TENM1: variants seen among roughly 807,000 people sequenced by gnomAD.
TENM1 encodes teneurin-1.
TENM1 carries 35 observed loss-of-function variants against 174.8 expected under a neutral mutation model. The observed-to-expected ratio is 0.20, with a 90% CI of 0.15 to 0.27. The LOEUF is 0.27. Among genes scored for constraint, TENM1 ranks in the 10% least tolerant of loss-of-function variants. The probability of loss-of-function intolerance (pLI) is 1.00; values close to 1 mark genes in which losing one functional copy is unlikely to be tolerated. For missense variants in TENM1, 1,633 were observed against 2,130.1 expected, an observed-to-expected ratio of 0.77 and a Z score of 4.59; for synonymous variants, 781 against 798.7, an observed-to-expected ratio of 0.98 and a Z score of 0.37.
chrX:125,163,271 G>C, the TENM1 span, among the ~76,000 whole-genome samples: 1 of 110,452 alleles, frequency 9.1e-6, no homozygotes, highest in African/African-American at 3.3e-5. Context: ...ACTCATCCTA[G>C]GATCAGTGTG....
intron 11 of TENM1, among the ~76,000 whole-genome samples, chrX:124,631,914 TAC>T (rs1318468999): frequency 1.2e-5 from 1 of 85,235 alleles, no homozygotes; most frequent in Non-Finnish European, 2.3e-5. Context: ...AAAAAATCCA[TAC>T]AGTTTTTTTT....
chrX:125,139,512 T>A, the TENM1 span, among the ~76,000 whole-genome samples: 3 of 111,310 alleles, frequency 2.7e-5, no homozygotes, highest in Admixed American at 1.9e-4. Context: ...AAATGATACA[T>A]TGACAAGTTT....
the TENM1 span, among the ~76,000 whole-genome samples, chrX:125,093,522 ATCAT>A: frequency 8.9e-6 from 1 of 112,056 alleles, no homozygotes; most frequent in Non-Finnish European, 1.9e-5. Flanking sequence ...TGTCTCATAA[ATCAT>A]TCATTTCTTT....
the TENM1 span, among the ~76,000 whole-genome samples, chrX:125,167,873 A>G: frequency 3.6e-5 from 4 of 112,152 alleles, no homozygotes; most frequent in Non-Finnish European, 7.5e-5. Context: ...AACCCTGGCC[A>G]TGATTATTAC....
chrX:124,920,173 A>G (rs1214678803), intron 1 of TENM1, among the ~76,000 whole-genome samples: 1 of 111,754 alleles, frequency 8.9e-6, no homozygotes, highest in Non-Finnish European at 1.9e-5. Context: ...AGGTTACTAT[A>G]CTTTCATTGT....
chrX:125,040,023 TTCTG>T, the TENM1 span, among the ~76,000 whole-genome samples: 41 of 111,995 alleles, frequency 3.7e-4, no homozygotes, highest in African/African-American at 1.1e-3. Context: ...TGCATTATAA[TTCTG>T]TCTTTGACCA....
chrX:124,417,665 C>T lies in TENM1; in HGVS notation c.4982+2646G>A, dbSNP rs936540133. ...GTACATCTCAAATTTCACTCTCCACCCTCTCCCCTCAATTCTAGACTCATA... is the reference window on the plus strand; with the variant it reads ...GTACATCTCAAATTTCACTCTCCACTCTCTCCCCTCAATTCTAGACTCATA... On this transcript the variant is annotated intron_variant, in intron 25 of 31. Transcript: ENST00000422452. 2.6e-4 allele frequency among the ~76,000 whole-genome samples: 28 copies of T among 109,340 alleles called. 1 individual carries two copies. The highest frequency in any genetic ancestry group is 8.3e-4 in the African/African-American group (25 of 29,947). The allele number at this position is 109,340 out of a possible 115,157, so 94.9% of individuals were successfully genotyped here.
chrX:125,055,629 T>C, the TENM1 span, among the ~76,000 whole-genome samples: 1 of 111,567 alleles, frequency 9.0e-6, no homozygotes, highest in Admixed American at 9.6e-5. Context: ...AAGACACTCA[T>C]ACCCACATTT....
At chrX:124,412,613 T>G (rs2060549592) in intron 25 of TENM1, among the ~76,000 whole-genome samples, 1 of 112,712 alleles carries the variant, frequency 8.9e-6, no homozygotes, top group Non-Finnish European at 1.9e-5. Flanking sequence ...CTAATAAGAA[T>G]TCTTTAGGAA....
intron 25 of TENM1, among the ~76,000 whole-genome samples, chrX:124,413,316 T>C (rs1184091769): frequency 1.8e-5 from 2 of 111,960 alleles, no homozygotes; most frequent in African/African-American, 3.2e-5. Context: ...TGTACAACTC[T>C]CACATCTTTA....
At chrX:124,659,940 C>T (rs778389031) in intron 6 of TENM1, among the ~76,000 whole-genome samples, 2 of 110,872 alleles carry the variant, frequency 1.8e-5, no homozygotes, top group East Asian at 2.8e-4. Context: ...TAAGAATAAA[C>T]GTGACCCCCT....
chrX:124,804,681 C>A (rs974146463), intron 3 of TENM1, among the ~76,000 whole-genome samples: 1 of 111,633 alleles, frequency 9.0e-6, no homozygotes, highest in Non-Finnish European at 1.9e-5. Flanking sequence ...ACAAGGACCA[C>A]AAGAAGATGA....
At chrX:124,749,638 A>C (rs185875269) in intron 3 of TENM1, among the ~76,000 whole-genome samples, 1 of 112,154 alleles carries the variant, frequency 8.9e-6, no homozygotes, top group African/African-American at 3.2e-5. Context: ...TTTAAATAGT[A>C]TATACAAAAA....
At chrX:124,811,939 G>C (rs1471229555) in intron 3 of TENM1, among the ~76,000 whole-genome samples, 1 of 111,424 alleles carries the variant, frequency 9.0e-6, no homozygotes, top group Non-Finnish European at 1.9e-5. Context: ...TAGAAGTAGA[G>C]AGTATAATAG....
At chrX:124,482,009 C>A (rs769184187) in intron 21 of TENM1, 45 bp from the exon 25 acceptor site, 1 of 894,826 alleles carries the variant, frequency 1.1e-6, no homozygotes, top group Non-Finnish European at 1.6e-6. Flanking sequence ...TTTTTCAACA[C>A]GAACCCCCTG....
chrX:125,031,646 T>C, the TENM1 span, among the ~76,000 whole-genome samples: 6 of 112,231 alleles, frequency 5.3e-5, no homozygotes, highest in Non-Finnish European at 9.4e-5. Context: ...TCAGATTATA[T>C]TGAGTTAATA....
At chrX:124,813,928 C>CA (rs983631115) in intron 3 of TENM1, among the ~76,000 whole-genome samples, 193 of 108,986 alleles carry the variant, frequency 1.8e-3, no homozygotes, top group African/African-American at 4.5e-3. Flanking sequence ...CTACCTATTA[C>CA]AAAAAAAAAG....
chrX:124,602,275 G>A (rs2050046524), intron 11 of TENM1, among the ~76,000 whole-genome samples: 1 of 110,721 alleles, frequency 9.0e-6, no homozygotes. Flanking sequence ...CTGCTTAAAT[G>A]TTACCCATTT....
At chrX:124,806,132 A>G (rs777446179) in intron 3 of TENM1, among the ~76,000 whole-genome samples, 1 of 112,331 alleles carries the variant, frequency 8.9e-6, no homozygotes, top group Admixed American at 9.4e-5. Flanking sequence ...GATAGAAATA[A>G]TTTTTAAAGA....
Sources: gnomAD v4.1 joint callset for allele counts (sites outside exome capture counted in the v4.1 genomes callset) on GRCh38, gnomAD v4.1.1 for gene constraint, MANE v1.5 for transcripts, NCBI Gene and HGNC (gene_info 2026-07-23, HGNC 2026-07-21) for gene names.